CDK6: variants seen among roughly 807,000 people sequenced by gnomAD.
The protein encoded by CDK6 is cyclin dependent kinase 6, also known as cyclin-dependent kinase 6.
CDK6 carries 6 observed loss-of-function variants against 37.1 expected under a neutral mutation model. The ratio of observed to expected loss-of-function variants is 0.16; its 90% CI spans 0.09 to 0.32. CDK6 has a LOEUF of 0.32. Ranked by LOEUF, CDK6 falls within the 10% of genes least tolerant of loss-of-function variation. The probability of loss-of-function intolerance (pLI) is 1.00; values close to 1 mark genes in which losing one functional copy is unlikely to be tolerated. For synonymous variants in CDK6, 160 were observed against 161.3 expected (o/e 0.99, Z 0.06); for missense variants, 224 against 418.9 (o/e 0.53, Z 4.06).
chr7:92,820,789 A>G (rs183600830), intron 2 of CDK6, among the ~76,000 whole-genome samples: 1 of 152,166 alleles, frequency 6.6e-6, no homozygotes, highest in Non-Finnish European at 1.5e-5. Flanking sequence ...GAGCAACAGC[A>G]TATTATCTAA....
At chr7:92,784,544 A>C (rs1451891487) in intron 2 of CDK6, among the ~76,000 whole-genome samples, 2 of 152,094 alleles carry the variant, frequency 1.3e-5, no homozygotes, top group East Asian at 1.9e-4. Context: ...TCAATCAGCC[A>C]CTCCAAAAAC....
rs1795505701 is a variant in CDK6, at chr7:92,609,161, A to T, written c.*5979T>A. 8.6e-6 allele frequency: 2 copies of T among 232,802 alleles called. No homozygotes were observed. The highest frequency in any genetic ancestry group is 1.7e-5 in the Non-Finnish European group (2 of 117,870). 14.4% of individuals were successfully genotyped at this position (232,802 alleles called of 1,614,324 possible). A position where few individuals can be genotyped will look rare whatever the true frequency, so the allele number is the denominator to read the frequency against. On this transcript the variant is annotated 3_prime_UTR_variant, in exon 8 of 8. Coordinates refer to ENST00000424848, the MANE Select transcript of CDK6 (RefSeq NM_001145306.2). ...CACTCAGGAGGAAAGTTGGGCAGGC[A>T]CCGTCGAGTGTCTGCCACTCAAAAG...
At position 92,711,552 on chromosome 7, in the gene CDK6, A is replaced by ATTTTTTTTTTTTTTT. The variant is rs11285626; in HGVS notation, c.537+14059_537+14073dup. Reference sequence around the variant, plus strand: ...TTTTTTACCTACCTGGAATGGTCAAATTTTTTTTTTTTTTTTTTTTTTTTT... The same window carrying ATTTTTTTTTTTTTTT: ...TTTTTTACCTACCTGGAATGGTCAAATTTTTTTTTTTTTTTTTTTTTTTTTTTTTTTTTTTTTTTT... On this transcript the variant is annotated intron_variant, in intron 4 of 7. Transcript: ENST00000424848. Among the ~76,000 whole-genome samples the ATTTTTTTTTTTTTTT allele has an allele frequency of 5.8e-4, 33 of 56,622 alleles. 2 individuals are homozygous for ATTTTTTTTTTTTTTT. The highest frequency in any genetic ancestry group is 2.7e-3 in the African/African-American group (33 of 12,212). 37.1% of individuals were successfully genotyped at this position (56,622 alleles called of 152,430 possible). A position where few individuals can be genotyped will look rare whatever the true frequency, so the allele number is the denominator to read the frequency against.
chr7:92,690,179 T>G (rs1360499342), intron 4 of CDK6, among the ~76,000 whole-genome samples: 2 of 152,218 alleles, frequency 1.3e-5, no homozygotes, highest in Non-Finnish European at 2.9e-5. Context: ...TTTGGAGTCT[T>G]TGTCATGAAA....
In CDK6 at chr7:92,609,346, A is replaced by T. The variant is rs981787131; in HGVS notation, c.*5794T>A. ...AGTCTTTAAGTAGACTTGTAAATTTAAAAAAAGTATATAAAGTTGCCAAAA... is the reference window on the plus strand; with the variant it reads ...AGTCTTTAAGTAGACTTGTAAATTTTAAAAAAGTATATAAAGTTGCCAAAA... On this transcript the variant is annotated 3_prime_UTR_variant, in exon 8 of 8. Transcript: ENST00000424848. 6 of 231,470 alleles carry T rather than the reference A, an allele frequency of 2.6e-5. No homozygotes were observed. Among genetic ancestry groups the T allele is most frequent in the African/African-American group, 6.6e-5 (3 of 45,264 alleles). 14.3% of individuals were successfully genotyped at this position (231,470 alleles called of 1,614,324 possible).
chr7:92,759,331 G>A (rs115475747), intron 3 of CDK6, among the ~76,000 whole-genome samples: 342 of 152,178 alleles, frequency 2.2e-3, no homozygotes, highest in African/African-American at 7.9e-3. Flanking sequence ...AAAGCTTAGT[G>A]GTTTCTGTCT....
In CDK6 at chr7:92,610,195, A is replaced by G. The variant is rs1354264382; in HGVS notation, c.*4945T>C. 1 of 232,004 alleles carries G rather than the reference A, an allele frequency of 4.3e-6. No homozygotes were observed. Among genetic ancestry groups the G allele is most frequent in the African/African-American group, 2.2e-5 (1 of 45,292 alleles). 14.4% of individuals were successfully genotyped at this position (232,004 alleles called of 1,614,324 possible). On this transcript the variant is annotated 3_prime_UTR_variant, in exon 8 of 8. Coordinates refer to ENST00000424848, the MANE Select transcript of CDK6 (RefSeq NM_001145306.2). ...AAAAGTCACCTTCCTTTCCTACCACATCAACTTCAAATTGCTGTAACAGTA... is the reference window on the plus strand; with the variant it reads ...AAAAGTCACCTTCCTTTCCTACCACGTCAACTTCAAATTGCTGTAACAGTA...
At chr7:92,686,789 CA>C (rs1455660888) in intron 4 of CDK6, among the ~76,000 whole-genome samples, 6 of 151,638 alleles carry the variant, frequency 4.0e-5, no homozygotes, top group African/African-American at 1.2e-4. Flanking sequence ...TGCCAACATC[CA>C]TTTTTTTTTT....
chr7:92,671,005 G>GT (rs1314098758), intron 5 of CDK6, among the ~76,000 whole-genome samples: 2 of 151,846 alleles, frequency 1.3e-5, no homozygotes, highest in Non-Finnish European at 1.5e-5. Context: ...CCTAAATATT[G>GT]TTTTTTTCAA....
At chr7:92,753,767 C>T (rs1343841563) in intron 3 of CDK6, among the ~76,000 whole-genome samples, 6 of 152,182 alleles carry the variant, frequency 3.9e-5, no homozygotes, top group South Asian at 2.1e-4. Context: ...TGAAGAAAGC[C>T]GTTTCTACCT....
chr7:92,802,782 G>A (rs1462353921), intron 2 of CDK6, among the ~76,000 whole-genome samples: 3 of 152,194 alleles, frequency 2.0e-5, no homozygotes, highest in African/African-American at 4.8e-5. Context: ...CAACCATGGA[G>A]CTATTGATAT....
intron 4 of CDK6, among the ~76,000 whole-genome samples, chr7:92,717,544 C>A (rs1487982840): frequency 6.6e-6 from 1 of 151,782 alleles, no homozygotes; most frequent in Non-Finnish European, 1.5e-5. Context: ...GAAAGAAAGA[C>A]AGACAACCAG....
In CDK6 at chr7:92,606,232, T is replaced by C; in HGVS notation, c.*8908A>G. On this transcript the variant is annotated 3_prime_UTR_variant, in exon 8 of 8. Transcript: ENST00000424848. ...TCTTGGTACCACAGCCAAAACTGAA[T>C]GCTCTGTACAATGACTTGGTTTAAA... The C allele has an allele frequency of 4.3e-6, 1 of 233,544 alleles. No individual in the cohort carries two copies. The highest frequency in any genetic ancestry group is 8.5e-6 in the Non-Finnish European group (1 of 117,938). 14.5% of individuals were successfully genotyped at this position (233,544 alleles called of 1,614,324 possible).
intron 2 of CDK6, among the ~76,000 whole-genome samples, chr7:92,793,488 C>CAT (rs1295059972): frequency 6.6e-6 from 1 of 152,006 alleles, no homozygotes; most frequent in African/African-American, 2.4e-5. Context: ...GTGCCAAGAC[C>CAT]ATTCACTCAG....
At chr7:92,752,106 T>TA (rs1384249753) in intron 3 of CDK6, among the ~76,000 whole-genome samples, 1 of 152,196 alleles carries the variant, frequency 6.6e-6, no homozygotes, top group Non-Finnish European at 1.5e-5. Context: ...AATCATTAAG[T>TA]AGCTATTTAT....
In CDK6 at chr7:92,834,210, G is replaced by A. The variant is rs989874721; in HGVS notation, c.-367-520C>T. On this transcript the variant is annotated intron_variant, in intron 1 of 7. Transcript: ENST00000424848. The surrounding 1 kb of genome is among the most constrained non-coding windows in gnomAD (Gnocchi z 4.6). ...CATCCGTGTGGGGCCGCAGAATGTG[G>A]GTGGGGGCTCCCAGGACCCTGTAAC... Among the ~76,000 whole-genome samples, 1 of 152,186 alleles carries A rather than the reference G, an allele frequency of 6.6e-6. No individual in the cohort carries two copies. Among genetic ancestry groups the A allele is most frequent in the African/African-American group, 2.4e-5 (1 of 41,444 alleles).
intron 4 of CDK6, among the ~76,000 whole-genome samples, chr7:92,711,552 ATTTTTTTTTTTTTTT>A (rs11285626): frequency 1.9e-4 from 11 of 56,630 alleles, no homozygotes; most frequent in South Asian, 7.8e-4. Flanking sequence ...GAATGGTCAA[ATTTTTTTTTTTTTTT>A]TTTTTTTTTT....
At chr7:92,796,761 A>G (rs929178887) in intron 2 of CDK6, among the ~76,000 whole-genome samples, 1 of 152,132 alleles carries the variant, frequency 6.6e-6, no homozygotes, top group Non-Finnish European at 1.5e-5. Context: ...AAAATATTCC[A>G]CTTATACCAG....
At chr7:92,759,712 A>G (rs981951764) in intron 3 of CDK6, among the ~76,000 whole-genome samples, 9 of 151,648 alleles carry the variant, frequency 5.9e-5, no homozygotes, top group Middle Eastern at 3.4e-3. Flanking sequence ...AAAAAAAAAA[A>G]AAAAGAAAAA....
Sources: gnomAD v4.1 joint callset for allele counts (sites outside exome capture counted in the v4.1 genomes callset) on GRCh38, gnomAD v4.1.1 for gene constraint, Gnocchi (gnomAD v3.1) non-coding constraint, MANE v1.5 for transcripts, NCBI Gene and HGNC (gene_info 2026-07-23, HGNC 2026-07-21) for gene names.